NRCAM: variants seen among roughly 807,000 people sequenced by gnomAD.
The protein encoded by NRCAM is NgCAM-related cell adhesion molecule.
NRCAM carries 83 observed loss-of-function variants against 156.5 expected under a neutral mutation model. The ratio of observed to expected loss-of-function variants is 0.53; its 90% CI spans 0.44 to 0.64. NRCAM has a LOEUF of 0.64. Among genes scored for constraint, NRCAM ranks in the 30% least tolerant of loss-of-function variants. NRCAM has a pLI of 0.00. For synonymous variants in NRCAM, 538 were observed against 563.9 expected (o/e 0.95, Z 0.65); for missense variants, 1,417 against 1,597.3 (o/e 0.89, Z 1.92).
chr7:108,387,818 C>G (rs540839671), intron 2 of NRCAM, among the ~76,000 whole-genome samples: 12 of 151,198 alleles, frequency 7.9e-5, no homozygotes, highest in Middle Eastern at 6.8e-3. Context: ...GTTTGGTTTT[C>G]TGTCCTTGTG....
chr7:108,431,620 G>GA (rs1825291778), intron 1 of NRCAM, among the ~76,000 whole-genome samples: 1 of 151,792 alleles, frequency 6.6e-6, no homozygotes, highest in Non-Finnish European at 1.5e-5. Flanking sequence ...TCATCTCTAC[G>GA]AAAAAAATAC....
At chr7:108,155,757 G>A (rs1411029728) in intron 32 of NRCAM, among the ~76,000 whole-genome samples, 1 of 152,092 alleles carries the variant, frequency 6.6e-6, no homozygotes, top group Non-Finnish European at 1.5e-5. Flanking sequence ...TGAGTTCACT[G>A]TAAAATAATA....
At chr7:108,299,384 G>A (rs994329322) in intron 3 of NRCAM, among the ~76,000 whole-genome samples, 9 of 152,042 alleles carry the variant, frequency 5.9e-5, no homozygotes, top group African/African-American at 2.2e-4. Flanking sequence ...TCATTACCAC[G>A]ATTTCTATTA....
chr7:108,433,600 TG>T (rs1828444082), intron 1 of NRCAM, among the ~76,000 whole-genome samples: 1 of 152,160 alleles, frequency 6.6e-6, no homozygotes, highest in Non-Finnish European at 1.5e-5. Flanking sequence ...GACTTTTCAC[TG>T]TATTAGTTCC....
chr7:108,167,402 T>A (rs2055210775), intron 29 of NRCAM, among the ~76,000 whole-genome samples: 1 of 152,234 alleles, frequency 6.6e-6, no homozygotes, highest in East Asian at 1.9e-4. Flanking sequence ...CTAAAGATGT[T>A]TCTCAAAAGA....
At chr7:108,446,715 G>A (rs1844618674) in intron 1 of NRCAM, among the ~76,000 whole-genome samples, 1 of 147,768 alleles carries the variant, frequency 6.8e-6, no homozygotes, top group African/African-American at 2.5e-5. Context: ...TGTTCTCTCT[G>A]CATTTACAAC....
intron 2 of NRCAM, among the ~76,000 whole-genome samples, chr7:108,350,358 G>A (rs1057202713): frequency 6.6e-6 from 1 of 152,190 alleles, no homozygotes; most frequent in East Asian, 1.9e-4. Context: ...GTAAGTATCT[G>A]TGACTCTTTA....
chr7:108,198,837 T>C (rs2076476320), intron 13 of NRCAM, among the ~76,000 whole-genome samples: 1 of 152,222 alleles, frequency 6.6e-6, no homozygotes, highest in African/African-American at 2.4e-5. Context: ...TTCAGCTAAA[T>C]CTCTCAAGTA....
rs1203808738 is a variant in NRCAM, at chr7:108,209,679, T to G, written c.891-74A>C. 1.7e-5 allele frequency: 17 copies of G among 1,028,590 alleles called. No individual in the cohort carries two copies. In the East Asian group the frequency reaches 3.8e-4, roughly 23 times the overall value. The allele number at this position is 1,028,590 out of a possible 1,614,324, so 63.7% of individuals were successfully genotyped here. ...GACTACTTTTGAGGATGAATTTTCATGCAACTTTGTAACAAATCTTTATTA... is the reference window on the plus strand; with the variant it reads ...GACTACTTTTGAGGATGAATTTTCAGGCAACTTTGTAACAAATCTTTATTA... On this transcript the variant is annotated intron_variant, in intron 11 of 32. Transcript: ENST00000379028.
At chr7:108,187,887 A>G (rs999299992) in intron 20 of NRCAM, among the ~76,000 whole-genome samples, 15 of 152,062 alleles carry the variant, frequency 9.9e-5, no homozygotes, top group African/African-American at 2.9e-4. Flanking sequence ...CCCGGGAGGC[A>G]GAGCTTGCAG....
chr7:108,235,976 G>C (rs1270385151), intron 5 of NRCAM, among the ~76,000 whole-genome samples: 5 of 152,248 alleles, frequency 3.3e-5, no homozygotes, highest in African/African-American at 9.6e-5. Flanking sequence ...GATTCTCACT[G>C]TTCTTTCCTT....
At chr7:108,228,043 C>T (rs1335078383) in intron 8 of NRCAM, among the ~76,000 whole-genome samples, 2 of 152,100 alleles carry the variant, frequency 1.3e-5, no homozygotes, top group Non-Finnish European at 1.5e-5. Flanking sequence ...TAACCCAAGC[C>T]GGGCTTGGTG....
intron 1 of NRCAM, among the ~76,000 whole-genome samples, chr7:108,415,847 G>A (rs1487018387): frequency 6.6e-6 from 1 of 152,116 alleles, no homozygotes; most frequent in Non-Finnish European, 1.5e-5. Context: ...ACGCCATTGC[G>A]CTCCAGCCTG....
At chr7:108,349,281 T>C (rs570758260) in intron 2 of NRCAM, among the ~76,000 whole-genome samples, 3 of 152,106 alleles carry the variant, frequency 2.0e-5, no homozygotes, top group African/African-American at 7.2e-5. Context: ...CTCTTTTTTT[T>C]TTTTTGAGAC....
In NRCAM at chr7:108,149,827, T is replaced by C. The variant is rs767536887; in HGVS notation, c.*83A>G. 30 of 1,058,710 alleles carry C rather than the reference T, an allele frequency of 2.8e-5. No homozygotes were observed. Among genetic ancestry groups the C allele is most frequent in the Non-Finnish European group, 4.1e-5 (29 of 711,568 alleles). 65.6% of individuals were successfully genotyped at this position (1,058,710 alleles called of 1,614,324 possible). A position where few individuals can be genotyped will look rare whatever the true frequency, so the allele number is the denominator to read the frequency against. ...GCAGAAAATATACTCTCTACCCATA[T>C]GTTCATAGTATGAGAGGGCTGACAA... On this transcript the variant is annotated 3_prime_UTR_variant, in exon 33 of 33. Coordinates refer to ENST00000379028, the MANE Select transcript of NRCAM (RefSeq NM_001037132.4).
intron 3 of NRCAM, among the ~76,000 whole-genome samples, chr7:108,245,698 A>G (rs763631871): frequency 1.1e-4 from 17 of 152,208 alleles, no homozygotes; most frequent in Non-Finnish European, 2.2e-4. Flanking sequence ...AAACATAAAA[A>G]TATATTAAGC....
intron 2 of NRCAM, among the ~76,000 whole-genome samples, chr7:108,343,070 A>T (rs1031666242): frequency 1.3e-5 from 2 of 152,148 alleles, no homozygotes; most frequent in Non-Finnish European, 2.9e-5. Flanking sequence ...ACTGATCCCG[A>T]CCTCAACTTG....
At chr7:108,267,639 C>G (rs2097158106) in intron 3 of NRCAM, among the ~76,000 whole-genome samples, 1 of 152,070 alleles carries the variant, frequency 6.6e-6, no homozygotes, top group African/African-American at 2.4e-5. Flanking sequence ...GAATTGGAAC[C>G]CTGCATTTAA....
intron 22 of NRCAM, among the ~76,000 whole-genome samples, chr7:108,183,698 G>A (rs1055512121): frequency 3.9e-5 from 6 of 151,960 alleles, no homozygotes; most frequent in South Asian, 2.1e-4. Context: ...CACTACACCC[G>A]GCTAATTTTT....
Sources: gnomAD v4.1 joint callset for allele counts (sites outside exome capture counted in the v4.1 genomes callset) on GRCh38, gnomAD v4.1.1 for gene constraint, MANE v1.5 for transcripts, NCBI Gene and HGNC (gene_info 2026-07-23, HGNC 2026-07-21) for gene names.